PDE4D: variants seen among roughly 807,000 people sequenced by gnomAD.
PDE4D encodes phosphodiesterase 4D, also known as 3',5'-cyclic-AMP phosphodiesterase 4D.
In PDE4D, 24 loss-of-function variants were observed where a neutral mutation model predicts 87.4. That is an observed-to-expected ratio of 0.27 (90% CI 0.20 to 0.39). The LOEUF (loss-of-function observed/expected upper bound fraction) is 0.39. PDE4D is among the 10% of genes least tolerant of loss of function. The probability of loss-of-function intolerance (pLI) is 1.00; values close to 1 mark genes in which losing one functional copy is unlikely to be tolerated. For synonymous variants in PDE4D, 384 were observed against 383.2 expected, an observed-to-expected ratio of 1.00 and a Z score of -0.02; for missense variants, 714 against 1,041.0, an observed-to-expected ratio of 0.69 and a Z score of 4.32.
At chr5:59,273,116 A>C (rs1764143038) in intron 1 of PDE4D, among the ~76,000 whole-genome samples, 1 of 152,152 alleles carries the variant, frequency 6.6e-6, no homozygotes, top group Admixed American at 6.6e-5. Flanking sequence ...GAAACAAATA[A>C]ACATCTGAAA....
intron 1 of PDE4D, among the ~76,000 whole-genome samples, chr5:59,380,108 A>C (rs1460610213): frequency 2.0e-5 from 3 of 152,188 alleles, no homozygotes; most frequent in African/African-American, 7.2e-5. Flanking sequence ...TTCTGAAATA[A>C]AACTTTCAAA....
intron 1 of PDE4D, among the ~76,000 whole-genome samples, chr5:59,595,398 A>G (rs936409651): frequency 1.3e-5 from 2 of 152,218 alleles, no homozygotes; most frequent in Admixed American, 1.3e-4. Flanking sequence ...ACAAGAAAGA[A>G]GCAAGTCATC....
intron 1 of PDE4D, among the ~76,000 whole-genome samples, chr5:59,864,343 G>A (rs570661091): frequency 3.3e-5 from 5 of 152,266 alleles, no homozygotes; most frequent in Admixed American, 3.3e-4. Context: ...TCGTAAATGT[G>A]TTGGCTATTA....
chr5:59,935,397 C>A (rs569142871), intron 3 of PDE4D, among the ~76,000 whole-genome samples: 5 of 151,980 alleles, frequency 3.3e-5, no homozygotes, highest in African/African-American at 1.2e-4. Context: ...AAGATAAAAA[C>A]TGAAAAAAGT....
At chr5:59,479,366 A>C (rs1182754634) in intron 1 of PDE4D, among the ~76,000 whole-genome samples, 3 of 152,054 alleles carry the variant, frequency 2.0e-5, no homozygotes, top group African/African-American at 7.2e-5. Flanking sequence ...GCTATGGTTA[A>C]CCCTAAACAA....
At chr5:59,012,742 A>C (rs1353672422) in intron 6 of PDE4D, among the ~76,000 whole-genome samples, 1 of 152,200 alleles carries the variant, frequency 6.6e-6, no homozygotes, top group Non-Finnish European at 1.5e-5. Flanking sequence ...TAGACAGATC[A>C]ACGAGACAGA....
At chr5:59,298,739 A>G (rs1769600725) in intron 1 of PDE4D, among the ~76,000 whole-genome samples, 1 of 152,172 alleles carries the variant, frequency 6.6e-6, no homozygotes, top group Non-Finnish European at 1.5e-5. Flanking sequence ...ATGATATGCT[A>G]AAGTGTTTTT....
At chr5:59,070,476 AT>A (rs1380808045) in intron 5 of PDE4D, among the ~76,000 whole-genome samples, 7 of 152,236 alleles carry the variant, frequency 4.6e-5, no homozygotes, top group East Asian at 1.9e-4. Context: ...TTAATAGTTC[AT>A]TTTTTTGGGC....
chr5:59,352,254 TTCTTC>T (rs1257238095), intron 1 of PDE4D, among the ~76,000 whole-genome samples: 5 of 152,164 alleles, frequency 3.3e-5, no homozygotes, highest in Admixed American at 6.5e-5. Context: ...CCTTCAATTC[TTCTTC>T]TCTTATTTGA....
In PDE4D at chr5:60,086,496, GTA is replaced by G. The variant is rs201424434; in HGVS notation, c.43-97781_43-97780del. Among the ~76,000 whole-genome samples the G allele has an allele frequency of 7.4e-3, 1,119 of 152,228 alleles. 6 individuals are homozygous for G. The highest frequency in any genetic ancestry group is 0.014 in the Admixed American group (210 of 15,296). The stretch of plus-strand genomic sequence containing the variant: ...ACTAATGCATAATTATTCCCATTCA[GTA>G]GAGAGAGTCATCAAGCTTCATAGCA... On this transcript the variant is annotated intron_variant, in intron 2 of 16. Coordinates refer to the PDE4D transcript ENST00000502484.
chr5:59,007,139 G>A (rs537404389), intron 6 of PDE4D, among the ~76,000 whole-genome samples: 31 of 152,288 alleles, frequency 2.0e-4, no homozygotes, highest in African/African-American at 7.2e-4. Context: ...TTTAAAATAA[G>A]TGTATTAGCT....
chr5:60,424,244 G>T (rs1490920759), intron 1 of PDE4D, among the ~76,000 whole-genome samples: 3 of 152,104 alleles, frequency 2.0e-5, no homozygotes, highest in Non-Finnish European at 4.4e-5. Flanking sequence ...GAGAATTTTA[G>T]ACCATTATCC....
chr5:60,237,648 C>A (rs941514215), intron 1 of PDE4D, among the ~76,000 whole-genome samples: 3 of 151,954 alleles, frequency 2.0e-5, no homozygotes, highest in African/African-American at 7.2e-5. Context: ...ACTATAAAAG[C>A]ATAGCACAAG....
intron 1 of PDE4D, among the ~76,000 whole-genome samples, chr5:59,772,885 C>A (rs1340264034): frequency 6.6e-6 from 1 of 152,018 alleles, no homozygotes; most frequent in Non-Finnish European, 1.5e-5. Flanking sequence ...TATTTTGAAC[C>A]CCAGAAGTAC....
chr5:60,309,798 C>T (rs977060464), intron 1 of PDE4D, among the ~76,000 whole-genome samples: 1 of 152,094 alleles, frequency 6.6e-6, no homozygotes, highest in African/African-American at 2.4e-5. Flanking sequence ...TTTCTTATAG[C>T]AATGCTAATT....
chr5:60,483,836 T>C (rs1315962885), intron 1 of PDE4D, among the ~76,000 whole-genome samples: 2 of 152,240 alleles, frequency 1.3e-5, no homozygotes, highest in Non-Finnish European at 2.9e-5. Flanking sequence ...GATTCCTCTA[T>C]AATTTCTTCT....
chr5:59,812,369 C>T (rs1768452876), intron 1 of PDE4D, among the ~76,000 whole-genome samples: 1 of 152,022 alleles, frequency 6.6e-6, no homozygotes, highest in African/African-American at 2.4e-5. Flanking sequence ...CTTATGAGAC[C>T]CTCAAATGTA....
chr5:59,573,983 G>T (rs1229674316), intron 1 of PDE4D, among the ~76,000 whole-genome samples: 2 of 106,836 alleles, frequency 1.9e-5, no homozygotes, highest in African/African-American at 3.7e-5. Context: ...GGACAACAAA[G>T]GGAGACTCTG....
intron 1 of PDE4D, among the ~76,000 whole-genome samples, chr5:60,383,560 T>A (rs373324949): frequency 2.6e-5 from 4 of 152,206 alleles, no homozygotes; most frequent in African/African-American, 9.6e-5. Flanking sequence ...AGATGTTCTA[T>A]TCTAACCTCC....
Sources: allele counts gnomAD v4.1 joint callset (sites outside exome capture counted in the v4.1 genomes callset), GRCh38; gene constraint gnomAD v4.1.1; transcripts MANE v1.5; gene names NCBI Gene and HGNC (gene_info 2026-07-23, HGNC 2026-07-21).